The following NAA16 variants were observed in gnomAD, a reference collection of about 807,000 sequenced individuals.
NAA16 encodes the protein N-alpha-acetyltransferase 16, NatA auxiliary subunit, also known as NARG1-like protein.
Under a neutral mutation model 110.3 loss-of-function variants are expected in NAA16, and 97 were observed. That is an observed-to-expected ratio of 0.88 (90% CI 0.75 to 1.04). The LOEUF (loss-of-function observed/expected upper bound fraction) is 1.04. Ranked by LOEUF, NAA16 falls within the 50% of genes least tolerant of loss-of-function variation. The pLI is 0.00. For missense variants in NAA16, 1,017 were observed against 1,005.1 expected (o/e 1.01, Z -0.16); for synonymous variants, 372 against 330.6 (o/e 1.13, Z -1.36).
chr13:41,348,917 C>T (rs1022246305), intron 9 of NAA16, among the ~76,000 whole-genome samples: 1 of 152,160 alleles, frequency 6.6e-6, no homozygotes, highest in African/African-American at 2.4e-5. Context: ...CTATGTTATA[C>T]AGCATTGGCA....
chr13:41,352,206 G>A (rs562962473), intron 9 of NAA16, among the ~76,000 whole-genome samples: 64 of 152,252 alleles, frequency 4.2e-4, no homozygotes, highest in African/African-American at 1.5e-3. Context: ...GCCAGGTGTG[G>A]TGGTGCATGC....
chr13:41,325,814 A>G lies in NAA16; in HGVS notation c.654A>G (p.Lys218=), dbSNP rs770947432. 9 of 1,608,516 alleles carry G rather than the reference A, an allele frequency of 5.6e-6. No individual in the cohort carries two copies. In the South Asian group the frequency reaches 8.9e-5, roughly 16 times the overall value. The change falls in exon 6 of 20, where the codon AAA becomes AAG. Residue 218 remains lysine, a synonymous_variant. Transcript: ENST00000379406. ...ESLEHIEMYE[K]QICDKLLVEE... is the part of the protein sequence containing the mutation. ...TGGAACATATAGAAATGTATGAGAA[A>G]CAAATATGTGATAAACTTTTGGTGG...
At chr13:41,347,750 T>C (rs75818745) in intron 9 of NAA16, among the ~76,000 whole-genome samples, 11,208 of 152,166 alleles carry the variant, frequency 0.074, 1,355 homozygotes, top group African/African-American at 0.25. Context: ...TTTAATAGAT[T>C]CCTTAGGATT....
At chr13:41,364,798 C>A (rs1025327031) in intron 13 of NAA16, among the ~76,000 whole-genome samples, 1 of 152,088 alleles carries the variant, frequency 6.6e-6, no homozygotes, top group African/African-American at 2.4e-5. Context: ...ACAACAGATT[C>A]TCTATTAAGT....
Position 41,358,886 on chromosome 13 carries a change from A to G in NAA16, c.1334A>G (p.Asn445Ser), listed in dbSNP as rs1196684442. Residue 445 changes from asparagine to serine, a missense_variant, in exon 12 of 20, where the codon AAT becomes AGT. By Grantham distance (46) the Asn-to-Ser change is conservative. Coordinates refer to ENST00000379406, the MANE Select transcript of NAA16 (RefSeq NM_024561.5). ...TTGGACACAGCTGATAGATTCATCA[A>G]TTCCAAATGTGCAAAATACATGCTT... is the stretch of plus-strand genomic sequence containing the variant. Reference protein sequence around the residue: ...QSLDTADRFINSKCAKYMLRA... With the variant: ...QSLDTADRFISSKCAKYMLRA... 1.2e-6 allele frequency: 2 copies of G among 1,612,902 alleles called. No individual in the cohort carries two copies. Among genetic ancestry groups the G allele is most frequent in the African/African-American group, 1.3e-5 (1 of 74,930 alleles).
At chr13:41,359,614 G>A (rs967124151) in intron 12 of NAA16, among the ~76,000 whole-genome samples, 1 of 152,030 alleles carries the variant, frequency 6.6e-6, no homozygotes, top group Non-Finnish European at 1.5e-5. Flanking sequence ...TATATTGCTG[G>A]GACAATTAGT....
chr13:41,317,973 T>TTA (rs2041851023), intron 2 of NAA16, among the ~76,000 whole-genome samples: 1 of 152,232 alleles, frequency 6.6e-6, no homozygotes, highest in Non-Finnish European at 1.5e-5. Flanking sequence ...TGATGTTAAT[T>TTA]AGCCTAAGTA....
chr13:41,331,357 A>G lies in NAA16; in HGVS notation c.895A>G (p.Thr299Ala). The change falls in exon 8 of 20, where the codon ACT becomes GCT. Residue 299 changes from threonine (T) to alanine (A), a missense_variant. By Grantham distance (58) the Thr-to-Ala change is moderately conservative. Coordinates refer to ENST00000379406, the MANE Select transcript of NAA16 (RefSeq NM_024561.5). ...KAITPRRLPL[T>A]LVPGERFREL... ...AATTACACCCAGAAGATTACCTTTG[A>G]CTCTTGTCCCAGGTAATATTAAGAT... The G allele has an allele frequency of 1.3e-6, 2 of 1,599,082 alleles. No individual in the cohort carries two copies. The highest frequency in any genetic ancestry group is 1.7e-5 in the Admixed American group (1 of 59,502).
At chr13:41,329,366 TGTCA>T (rs1433332658) in intron 7 of NAA16, among the ~76,000 whole-genome samples, 1 of 151,954 alleles carries the variant, frequency 6.6e-6, no homozygotes, top group Admixed American at 6.6e-5. Flanking sequence ...AGAACTCTAG[TGTCA>T]GTCCAAGATT....
rs763009315 is a variant in NAA16 at position 41,367,496 on chromosome 13, A to G, written c.1597A>G (p.Met533Val). 4.3e-6 allele frequency: 7 copies of G among 1,613,308 alleles called. No homozygotes were observed. The highest frequency in any genetic ancestry group is 3.3e-5 in the South Asian group (3 of 91,054). The stretch of plus-strand genomic sequence containing the variant: ...CTTCCATACATACTGCATGAGAAAG[A>G]TGACCCTTCGTGCCTATGTTGACCT... The part of the protein sequence containing the change: ...FDFHTYCMRK[M>V]TLRAYVDLLR... Residue 533 changes from methionine (M) to valine (V), a missense_variant, in exon 14 of 20, where the codon ATG becomes GTG. By Grantham distance (21) the Met-to-Val change is conservative. Transcript: ENST00000379406.
At chr13:41,339,834 C>G (rs955438941) in intron 9 of NAA16, among the ~76,000 whole-genome samples, 2 of 152,154 alleles carry the variant, frequency 1.3e-5, no homozygotes, top group Admixed American at 1.3e-4. Flanking sequence ...GCTGGGATTA[C>G]AGGTGTGAGC....
chr13:41,336,513 T>G (rs2042385317), intron 8 of NAA16, 137 bp from the exon 9 acceptor site: 1 of 561,030 alleles, frequency 1.8e-6, no homozygotes, highest in South Asian at 2.4e-5. Context: ...AACTTTTACT[T>G]AAAACTATGA....
intron 9 of NAA16, among the ~76,000 whole-genome samples, chr13:41,341,980 C>T (rs138374221): frequency 0.012 from 1,837 of 151,320 alleles, 29 homozygotes; most frequent in African/African-American, 0.041. Flanking sequence ...TACAGGCGCC[C>T]GCTACCATGC....
At chr13:41,327,762 TATA>T in intron 6 of NAA16, 3 of 151,482 alleles carry the variant, frequency 2.0e-5, no homozygotes, top group African/African-American at 7.3e-5. Context: ...AGCAGACATT[TATA>T]TGTATTCATT....
Position 41,316,896 on chromosome 13 carries a change from G to T in NAA16, c.105G>T (p.Met35Ile). Residue 35 changes from methionine to isoleucine, a missense_variant, in exon 2 of 20, where the codon ATG becomes ATT. Met to Ile is a conservative substitution (Grantham distance 10, BLOSUM62 1). Transcript: ENST00000379406. Reference sequence around the variant, plus strand: ...AAAATGGCCTCAAGTTTTGCAAGATGATTCTGTCGAACCCAAAATTTGCTG... The same window carrying T: ...AAAATGGCCTCAAGTTTTGCAAGATTATTCTGTCGAACCCAAAATTTGCTG... Reference protein sequence around the residue: ...QYKNGLKFCKMILSNPKFAEH... With the variant: ...QYKNGLKFCKIILSNPKFAEH... The T allele has an allele frequency of 6.2e-7, 1 of 1,613,742 alleles. No homozygotes were observed. Among genetic ancestry groups the T allele is most frequent in the Non-Finnish European group, 8.5e-7 (1 of 1,179,774 alleles).
At chr13:41,359,609 T>C (rs1210846660) in intron 12 of NAA16, among the ~76,000 whole-genome samples, 1 of 152,148 alleles carries the variant, frequency 6.6e-6, no homozygotes, top group East Asian at 1.9e-4. Context: ...GAAAATATAT[T>C]GCTGGGACAA....
intron 3 of NAA16, 37 bp from the exon 4 acceptor site, chr13:41,320,630 A>G (rs1300186783): frequency 1.3e-6 from 2 of 1,528,154 alleles, no homozygotes; most frequent in Non-Finnish European, 1.8e-6. Context: ...AGAATATTCT[A>G]GTGTCTGTGT....
At chr13:41,366,718 A>G (rs1180143413) in intron 13 of NAA16, among the ~76,000 whole-genome samples, 1 of 152,226 alleles carries the variant, frequency 6.6e-6, no homozygotes, top group African/African-American at 2.4e-5. Context: ...AGGTAGAGTA[A>G]GAGAAAACAA....
chr13:41,362,292 C>A, intron 13 of NAA16, 133 bp downstream of exon 13: 1 of 871,228 alleles, frequency 1.1e-6, no homozygotes, highest in Non-Finnish European at 1.7e-6. Context: ...GATCTTTAAC[C>A]TTTACATTCA....
Sources: gnomAD v4.1 joint callset for allele counts (sites outside exome capture counted in the v4.1 genomes callset) on GRCh38, gnomAD v4.1.1 for gene constraint, MANE v1.5 for transcripts, NCBI Gene and HGNC (gene_info 2026-07-23, HGNC 2026-07-21) for gene names.